Variants in PTPRN2 observed in about 807,000 individuals in gnomAD.
PTPRN2 encodes the protein protein tyrosine phosphatase receptor type N2, also known as receptor-type tyrosine-protein phosphatase N2.
PTPRN2 carries 74 observed loss-of-function variants against 118.8 expected under a neutral mutation model. That is an observed-to-expected ratio of 0.62 (90% CI 0.52 to 0.76). The LOEUF (loss-of-function observed/expected upper bound fraction) is 0.76, where lower values mean the gene tolerates loss of function less well. Among genes scored for constraint, PTPRN2 ranks in the 30% least tolerant of loss-of-function variants. PTPRN2 has a pLI of 0.00. For synonymous variants in PTPRN2, 641 were observed against 608.0 expected, an observed-to-expected ratio of 1.05 and a Z score of -0.80; for missense variants, 1,481 against 1,394.4, an observed-to-expected ratio of 1.06 and a Z score of -0.99.
At chr7:158,340,401 C>A (rs1240337912) in intron 2 of PTPRN2, among the ~76,000 whole-genome samples, 4 of 71,214 alleles carry the variant, frequency 5.6e-5, no homozygotes, top group East Asian at 4.2e-4. Context: ...TAAGAGCTGA[C>A]ACCCGCAGAC....
At chr7:158,367,516 A>C (rs540222983) in intron 2 of PTPRN2, among the ~76,000 whole-genome samples, 114 of 152,264 alleles carry the variant, frequency 7.5e-4, no homozygotes, top group African/African-American at 2.3e-3. Flanking sequence ...TGGCACTCAC[A>C]CTGTGCTGGA....
chr7:158,165,810 C>T (rs1449518230), intron 6 of PTPRN2, among the ~76,000 whole-genome samples: 2 of 152,192 alleles, frequency 1.3e-5, no homozygotes, highest in African/African-American at 2.4e-5. Flanking sequence ...GTCGCAGGAA[C>T]CCGCAAACGC....
intron 11 of PTPRN2, among the ~76,000 whole-genome samples, chr7:158,008,312 T>C (rs1173969655): frequency 1.3e-5 from 2 of 152,352 alleles, no homozygotes; most frequent in Middle Eastern, 3.4e-3. Flanking sequence ...ATGGAATAAT[T>C]GCCCATTCTT....
intron 10 of PTPRN2, among the ~76,000 whole-genome samples, chr7:158,097,496 G>A (rs565098289): frequency 4.3e-4 from 65 of 152,326 alleles, no homozygotes; most frequent in African/African-American, 1.2e-3. Context: ...CGAATGCCCC[G>A]GCGGTCCTCG....
intron 3 of PTPRN2, among the ~76,000 whole-genome samples, chr7:158,241,242 G>A (rs548564078): frequency 6.6e-5 from 10 of 152,246 alleles, no homozygotes; most frequent in East Asian, 1.9e-4. Flanking sequence ...TCGGCCGGGC[G>A]TGGTGGCTTA....
chr7:158,301,253 T>C (rs1401811209), intron 3 of PTPRN2, among the ~76,000 whole-genome samples: 1 of 152,186 alleles, frequency 6.6e-6, no homozygotes, highest in Non-Finnish European at 1.5e-5. Flanking sequence ...CAGACAGCAT[T>C]GCAGGGCATG....
At chr7:158,150,029 G>A (rs1239545011) in intron 6 of PTPRN2, among the ~76,000 whole-genome samples, 1 of 152,224 alleles carries the variant, frequency 6.6e-6, no homozygotes, top group Non-Finnish European at 1.5e-5. Context: ...AGGTGGCGTA[G>A]TGTGGCATCA....
At chr7:158,410,318 G>A (rs1813941292) in intron 2 of PTPRN2, among the ~76,000 whole-genome samples, 1 of 152,200 alleles carries the variant, frequency 6.6e-6, no homozygotes, top group African/African-American at 2.4e-5. Flanking sequence ...GGCAGGAGAT[G>A]TGGGGGAAAG....
intron 12 of PTPRN2, among the ~76,000 whole-genome samples, chr7:157,772,418 AAC>A (rs933808528): frequency 4.4e-4 from 67 of 152,268 alleles, no homozygotes; most frequent in African/African-American, 1.5e-3. Flanking sequence ...CATAGACACA[AAC>A]ACAGTTTGTG....
At chr7:158,469,510 G>T (rs540314824) in intron 2 of PTPRN2, among the ~76,000 whole-genome samples, 19 of 152,280 alleles carry the variant, frequency 1.2e-4, no homozygotes, top group African/African-American at 1.9e-4. Flanking sequence ...TAAAGTGTGG[G>T]TCTAGTTCTT....
At chr7:158,359,138 C>A (rs185580746) in intron 2 of PTPRN2, among the ~76,000 whole-genome samples, 1 of 152,162 alleles carries the variant, frequency 6.6e-6, no homozygotes, top group African/African-American at 2.4e-5. Context: ...AAGGCCATGG[C>A]CGGCGAGTCC....
In PTPRN2 at chr7:158,139,873, G is replaced by A. The variant is rs137970820; in HGVS notation, c.911-1358C>T. Among the ~76,000 whole-genome samples, 1,367 of 152,244 alleles carry A rather than the reference G, an allele frequency of 9.0e-3. 11 individuals are homozygous for A. The highest frequency in any genetic ancestry group is 0.013 in the Non-Finnish European group (904 of 68,026). Reference sequence around the variant, plus strand: ...TTGAAAGAAAAATCATTCAATCCAGGAGTTTATATCCAATGACAATATCCT... The same window carrying A: ...TTGAAAGAAAAATCATTCAATCCAGAAGTTTATATCCAATGACAATATCCT... On this transcript the variant is annotated intron_variant, in intron 6 of 22. Coordinates refer to ENST00000389418, the MANE Select transcript of PTPRN2 (RefSeq NM_002847.5).
At chr7:157,994,605 C>G (rs1421264265) in intron 11 of PTPRN2, among the ~76,000 whole-genome samples, 1 of 150,358 alleles carries the variant, frequency 6.7e-6, no homozygotes, top group African/African-American at 2.5e-5. Context: ...TGCCGCGTCC[C>G]CAGCTTACAA....
intron 6 of PTPRN2, among the ~76,000 whole-genome samples, chr7:158,146,503 C>G (rs914146527): frequency 1.3e-5 from 2 of 151,926 alleles, no homozygotes; most frequent in African/African-American, 2.4e-5. Flanking sequence ...ATGCGGATCA[C>G]GAGGTCAGGA....
intron 3 of PTPRN2, among the ~76,000 whole-genome samples, chr7:158,314,612 G>C (rs1802137626): frequency 6.6e-6 from 1 of 152,270 alleles, no homozygotes; most frequent in Non-Finnish European, 1.5e-5. Flanking sequence ...GGGCTCAGGA[G>C]TCCAGTGTGG....
In PTPRN2 at chr7:157,883,518, T is replaced by C. The variant is rs375764265; in HGVS notation, c.1788+15155A>G. 1.5e-4 allele frequency among the ~76,000 whole-genome samples: 22 copies of C among 145,028 alleles called. No individual in the cohort carries two copies. In the East Asian group the frequency reaches 4.4e-3, roughly 29 times the overall value. ...GAACACACCACCCCAAAAATGACTG[T>C]TGGAGATCAGAACACGTCACCCTAA... is the stretch of plus-strand genomic sequence containing the variant. On this transcript the variant is annotated intron_variant, in intron 12 of 22. Coordinates refer to ENST00000389418, the MANE Select transcript of PTPRN2 (RefSeq NM_002847.5).
At chr7:157,901,785 G>A (rs1307383263) in intron 11 of PTPRN2, among the ~76,000 whole-genome samples, 1 of 58,730 alleles carries the variant, frequency 1.7e-5, no homozygotes, top group African/African-American at 4.8e-5. Flanking sequence ...GGGCCTTCCC[G>A]TCCGTGTTTC....
intron 1 of PTPRN2, among the ~76,000 whole-genome samples, chr7:158,514,285 G>A (rs1408521800): frequency 6.6e-6 from 1 of 152,176 alleles, no homozygotes; most frequent in Non-Finnish European, 1.5e-5. Flanking sequence ...GTTTATCAAT[G>A]AGGAGGGATG....
At chr7:158,547,183 A>G (rs927964154) in intron 1 of PTPRN2, among the ~76,000 whole-genome samples, 1 of 152,208 alleles carries the variant, frequency 6.6e-6, no homozygotes, top group Non-Finnish European at 1.5e-5. Context: ...CATAACATAA[A>G]TAAAATTTAC....
Sources: gnomAD v4.1 joint callset for allele counts (sites outside exome capture counted in the v4.1 genomes callset) on GRCh38, gnomAD v4.1.1 for gene constraint, MANE v1.5 for transcripts, NCBI Gene and HGNC (gene_info 2026-07-23, HGNC 2026-07-21) for gene names.